CAMTA1: variants seen among roughly 807,000 people sequenced by gnomAD.
CAMTA1 encodes the protein calmodulin binding transcription activator 1.
A neutral mutation model predicts 170.9 loss-of-function variants in CAMTA1; 27 were observed. That is an observed-to-expected ratio of 0.16 (90% CI 0.12 to 0.22). The LOEUF (loss-of-function observed/expected upper bound fraction) is 0.22, where lower values mean the gene tolerates loss of function less well. Ranked by LOEUF, CAMTA1 falls within the 10% of genes least tolerant of loss-of-function variation. The pLI is 1.00. For missense variants in CAMTA1, 1,619 were observed against 2,217.2 expected (o/e 0.73, Z 5.42); for synonymous variants, 833 against 891.5 (o/e 0.93, Z 1.17).
At chr1:7,558,493 CCTTCTCCAGGGAAAAG>C (rs141677847) in intron 6 of CAMTA1, among the ~76,000 whole-genome samples, 2,184 of 152,352 alleles carry the variant, frequency 0.014, 48 homozygotes, top group African/African-American at 0.049. Context: ...AACTCGGCTC[CCTTCTCCAGGGAAAAG>C]TCTTAAAATG....
intron 5 of CAMTA1, among the ~76,000 whole-genome samples, chr1:7,399,609 G>T (rs1019032787): frequency 6.6e-6 from 1 of 152,286 alleles, no homozygotes; most frequent in South Asian, 2.1e-4. Flanking sequence ...AGTAATTATT[G>T]TTCCTTTACT....
chr1:7,454,164 A>G lies in CAMTA1; in HGVS notation c.439-13666A>G, dbSNP rs150760560. 3.0e-3 allele frequency among the ~76,000 whole-genome samples: 461 copies of G among 152,306 alleles called. 4 individuals carry two copies. Among genetic ancestry groups the G allele is most frequent in the African/African-American group, 0.01 (433 of 41,566 alleles). The stretch of plus-strand genomic sequence containing the variant: ...TCCTTGGAAGCTGCCGTTTATTTTA[A>G]AACAGCCCGGACTCCTTGAGGAAGC... On this transcript the variant is annotated intron_variant, in intron 5 of 22. Transcript: ENST00000303635.
chr1:7,028,707 C>T (rs928734443), intron 3 of CAMTA1, among the ~76,000 whole-genome samples: 2 of 152,204 alleles, frequency 1.3e-5, no homozygotes, highest in African/African-American at 4.8e-5. Context: ...CATTTTCTGA[C>T]CCCACAGCCC....
At chr1:7,244,014 A>G (rs1406959832) in intron 4 of CAMTA1, among the ~76,000 whole-genome samples, 1 of 152,198 alleles carries the variant, frequency 6.6e-6, no homozygotes, top group Non-Finnish European at 1.5e-5. Flanking sequence ...TAATATCCAG[A>G]ATCTACAATG....
chr1:7,703,323 A>G (rs1389254078), intron 11 of CAMTA1, among the ~76,000 whole-genome samples: 3 of 152,154 alleles, frequency 2.0e-5, no homozygotes, highest in African/African-American at 4.8e-5. Flanking sequence ...GGCGAGGGGT[A>G]GACAGGTGCA....
intron 3 of CAMTA1, among the ~76,000 whole-genome samples, chr1:7,059,105 G>A (rs571632588): frequency 6.6e-6 from 1 of 152,266 alleles, no homozygotes; most frequent in African/African-American, 2.4e-5. Context: ...AGGCTCCTTG[G>A]GATCCCCCAG....
intron 5 of CAMTA1, among the ~76,000 whole-genome samples, chr1:7,291,701 C>T (rs1244044763): frequency 6.6e-6 from 1 of 152,246 alleles, no homozygotes; most frequent in Non-Finnish European, 1.5e-5. Context: ...GGGCAGAGAG[C>T]CTAGCCCAGG....
In CAMTA1 at chr1:7,443,137, C is replaced by T. The variant is rs751797011; in HGVS notation, c.439-24693C>T. Among the ~76,000 whole-genome samples the T allele has an allele frequency of 8.5e-5, 13 of 152,164 alleles. No individual in the cohort carries two copies. The highest frequency in any genetic ancestry group is 1.6e-4 in the Non-Finnish European group (11 of 68,014). On this transcript the variant is annotated intron_variant, in intron 5 of 22. Transcript: ENST00000303635. This position sits in a 1 kb window ranked among gnomAD's most constrained non-coding sequence, Gnocchi z 4.1. ...AAGTATACTGTGTCTCTACCCAAGT[C>T]AAAGCCCTGGATGACGGCTGCAAAG...
Position 7,249,712 on chromosome 1 carries a change from C to A in CAMTA1, c.438+86C>A. On this transcript the variant is annotated intron_variant, in intron 5 of 22. Transcript: ENST00000303635. The surrounding 1 kb of genome is among the most constrained non-coding windows in gnomAD (Gnocchi z 4.4). ...TGGAATTGCTTGGAGTAATTTGATG[C>A]GAGTCACCTCTGTCCAAAGAATTTT... is the stretch of plus-strand genomic sequence containing the variant. 6.9e-7 allele frequency: 1 copy of A among 1,456,150 alleles called. No homozygotes were observed. The highest frequency in any genetic ancestry group is 9.3e-7 in the Non-Finnish European group (1 of 1,076,828). 90.2% of individuals were successfully genotyped at this position (1,456,150 alleles called of 1,614,324 possible). A position where few individuals can be genotyped will look rare whatever the true frequency, so the allele number is the denominator to read the frequency against.
At chr1:7,035,025 G>A (rs758173041) in intron 3 of CAMTA1, among the ~76,000 whole-genome samples, 1 of 152,178 alleles carries the variant, frequency 6.6e-6, no homozygotes, top group Non-Finnish European at 1.5e-5. Flanking sequence ...TCATACTTTA[G>A]ATTGCAGCAG....
intron 5 of CAMTA1, among the ~76,000 whole-genome samples, chr1:7,284,429 C>A (rs1026640753): frequency 2.0e-5 from 3 of 151,988 alleles, no homozygotes; most frequent in African/African-American, 7.3e-5. Context: ...GTCTTGAACT[C>A]CTGACCTCGT....
intron 3 of CAMTA1, among the ~76,000 whole-genome samples, chr1:6,850,148 C>T (rs972593863): frequency 6.6e-6 from 1 of 150,728 alleles, no homozygotes; most frequent in African/African-American, 2.4e-5. Flanking sequence ...TAGGAGAAAA[C>T]GTGGGTCAAT....
chr1:7,555,628 C>G (rs915252841), intron 6 of CAMTA1, among the ~76,000 whole-genome samples: 2 of 152,162 alleles, frequency 1.3e-5, no homozygotes, highest in African/African-American at 4.8e-5. Context: ...AGGAGAAAAG[C>G]CCCTGGCTCC....
chr1:7,162,626 A>G (rs555854256), intron 4 of CAMTA1, among the ~76,000 whole-genome samples: 1 of 152,330 alleles, frequency 6.6e-6, no homozygotes, highest in South Asian at 2.1e-4. Flanking sequence ...ATATTTTAGC[A>G]CTTATCAGTA....
chr1:7,272,967 A>G (rs937367018), intron 5 of CAMTA1, among the ~76,000 whole-genome samples: 2 of 152,224 alleles, frequency 1.3e-5, no homozygotes, highest in African/African-American at 2.4e-5. Context: ...TTCCCCAAAG[A>G]AGATATATGA....
At position 7,674,576 on chromosome 1, in the gene CAMTA1, C is replaced by T. The variant is rs555537376; in HGVS notation, c.2780-3023C>T. ...GGCGGATCACTTGAAGTCAGGAGTTCGAGACCAGCCTGACCGACATGGTGA... is the reference window on the plus strand; with the variant it reads ...GGCGGATCACTTGAAGTCAGGAGTTTGAGACCAGCCTGACCGACATGGTGA... On this transcript the variant is annotated intron_variant, in intron 10 of 22. Transcript: ENST00000303635. This position sits in a 1 kb window ranked among gnomAD's most constrained non-coding sequence, Gnocchi z 4.1. 1.2e-4 allele frequency among the ~76,000 whole-genome samples: 18 copies of T among 152,158 alleles called. No individual in the cohort carries two copies. In the South Asian group the frequency reaches 2.3e-3, roughly 19 times the overall value.
intron 4 of CAMTA1, among the ~76,000 whole-genome samples, chr1:7,188,798 T>C (rs1382583491): frequency 1.3e-5 from 2 of 152,218 alleles, no homozygotes; most frequent in African/African-American, 2.4e-5. Context: ...TTCAGTTCTC[T>C]GATTTAATTT....
chr1:7,009,471 C>A (rs1272001552), intron 3 of CAMTA1, among the ~76,000 whole-genome samples: 1 of 152,172 alleles, frequency 6.6e-6, no homozygotes, highest in African/African-American at 2.4e-5. Context: ...TGTCCCTGTC[C>A]GGCCCCCTCT....
chr1:7,755,471 AT>A, intron 21 of CAMTA1, among the ~76,000 whole-genome samples, 166 bp from the exon 22 acceptor site: 1 of 151,840 alleles, frequency 6.6e-6, no homozygotes, highest in South Asian at 2.1e-4. Flanking sequence ...AAATTGATGA[AT>A]TTTTTTACCT....
Sources: gnomAD v4.1 joint callset for allele counts (sites outside exome capture counted in the v4.1 genomes callset) on GRCh38, gnomAD v4.1.1 for gene constraint, Gnocchi (gnomAD v3.1) non-coding constraint, MANE v1.5 for transcripts, NCBI Gene and HGNC (gene_info 2026-07-23, HGNC 2026-07-21) for gene names.